The following CASR variants were observed in gnomAD, a reference collection of about 807,000 sequenced individuals.
The protein encoded by CASR is extracellular calcium-sensing receptor.
CASR carries 23 observed loss-of-function variants against 69.1 expected under a neutral mutation model. The observed-to-expected ratio is 0.33, with a 90% confidence interval of 0.24 to 0.47. The LOEUF (loss-of-function observed/expected upper bound fraction) is 0.47. Among genes scored for constraint, CASR ranks in the 20% least tolerant of loss-of-function variants. The probability of loss-of-function intolerance (pLI) is 1.00; values close to 1 mark genes in which losing one functional copy is unlikely to be tolerated. For synonymous variants in CASR, 541 were observed against 544.7 expected (o/e 0.99, Z 0.10); for missense variants, 924 against 1,356.1 (o/e 0.68, Z 5.00).
intron 1 of CASR, among the ~76,000 whole-genome samples, chr3:122,232,730 T>C (rs1466115589): frequency 6.6e-6 from 1 of 152,152 alleles, no homozygotes; most frequent in African/African-American, 2.4e-5. Flanking sequence ...AGTCTTCAAT[T>C]AGATGATCTC....
chr3:122,270,589 AAG>A (rs2074747227), intron 4 of CASR, among the ~76,000 whole-genome samples: 2 of 152,192 alleles, frequency 1.3e-5, no homozygotes, highest in African/African-American at 2.4e-5. Context: ...TTGGAAACTG[AAG>A]TCATTGATTT....
intron 1 of CASR, among the ~76,000 whole-genome samples, chr3:122,241,631 T>C (rs1004917242): frequency 1.3e-5 from 2 of 151,946 alleles, no homozygotes; most frequent in South Asian, 2.1e-4. Context: ...ACTCAAACTA[T>C]TCCAAAAAAC....
intron 1 of CASR, among the ~76,000 whole-genome samples, chr3:122,193,224 T>G (rs2073856018): frequency 1.3e-5 from 2 of 151,880 alleles, no homozygotes; most frequent in African/African-American, 4.8e-5. Context: ...GTTTGTTTGT[T>G]TGTTTGTTTT....
rs936502408 is a variant in CASR, at chr3:122,290,836, G to A, written c.*5645G>A. ...GTTGGTGTGCTGTACCCATTAACTC[G>A]TCATTTACCATTAGGTATATCTCCT... On this transcript the variant is annotated 3_prime_UTR_variant, in exon 7 of 7. Transcript: ENST00000639785. 9 of 150,048 alleles carry A rather than the reference G, an allele frequency of 6.0e-5. No individual in the cohort carries two copies. The highest frequency in any genetic ancestry group is 2.7e-4 in the Admixed American group (4 of 15,038). The allele number at this position is 150,048 out of a possible 1,614,324, so 9.3% of individuals were successfully genotyped here.
intron 1 of CASR, among the ~76,000 whole-genome samples, chr3:122,211,058 C>A (rs1373030347): frequency 7.9e-5 from 12 of 152,144 alleles, no homozygotes; most frequent in Admixed American, 6.5e-4. Context: ...AAACTGGATC[C>A]TTTCCTTACA....
chr3:122,235,651 G>C (rs1343627747), intron 1 of CASR, among the ~76,000 whole-genome samples: 2 of 152,118 alleles, frequency 1.3e-5, no homozygotes, highest in Non-Finnish European at 2.9e-5. Flanking sequence ...TTAAAAAATA[G>C]CCTGGGGTAG....
intron 1 of CASR, among the ~76,000 whole-genome samples, chr3:122,232,330 A>G (rs910668313): frequency 6.6e-6 from 1 of 152,186 alleles, no homozygotes; most frequent in African/African-American, 2.4e-5. Flanking sequence ...ACGCAGATGC[A>G]GAGAGCACGA....
chr3:122,204,140 A>G (rs1189265867), intron 1 of CASR, among the ~76,000 whole-genome samples: 5 of 152,264 alleles, frequency 3.3e-5, no homozygotes, highest in African/African-American at 1.2e-4. Flanking sequence ...GAAATATACA[A>G]TAGATTATTG....
chr3:122,200,316 A>G (rs2073934614), intron 1 of CASR, among the ~76,000 whole-genome samples: 1 of 152,232 alleles, frequency 6.6e-6, no homozygotes, highest in Non-Finnish European at 1.5e-5. Context: ...ATGTATTGAA[A>G]TATCACACAG....
chr3:122,256,960 C>T (rs1300167916), intron 2 of CASR, 121 bp from the exon 3 acceptor site: 3 of 833,344 alleles, frequency 3.6e-6, no homozygotes, highest in Admixed American at 4.0e-5. Flanking sequence ...CTGTACAGAG[C>T]ATGCCATGAA....
chr3:122,256,867 C>T (rs1417043517), intron 2 of CASR, among the ~76,000 whole-genome samples: 4 of 152,208 alleles, frequency 2.6e-5, no homozygotes, highest in African/African-American at 7.2e-5. Flanking sequence ...GTGATCCACC[C>T]GCCTCGGCCT....
chr3:122,272,126 C>CACACAT (rs1367984129), intron 4 of CASR, among the ~76,000 whole-genome samples: 3 of 149,338 alleles, frequency 2.0e-5, no homozygotes, highest in African/African-American at 7.5e-5. Context: ...CACACACACA[C>CACACAT]GAGTAGGATT....
Position 122,284,820 on chromosome 3 carries a change from T to G in CASR, c.2866T>G (p.Ser956Ala), listed in dbSNP as rs1559969778. The change falls in exon 7 of 7, where the codon TCT becomes GCT. Residue 956 changes from serine (S) to alanine (A), a missense_variant. By Grantham distance (99) the Ser-to-Ala change is moderately conservative. Coordinates refer to ENST00000639785, the MANE Select transcript of CASR (RefSeq NM_000388.4). ...CCTGACCCTCCCACAGCAGCAACGA[T>G]CTCAGCAGCAGCCCAGATGCAAGCA... The part of the protein sequence containing the change: ...QPLTLPQQQR[S>A]QQQPRCKQKV... The G allele has an allele frequency of 6.2e-7, 1 of 1,613,986 alleles. No homozygotes were observed. Among genetic ancestry groups the G allele is most frequent in the Middle Eastern group, 1.6e-4 (1 of 6,062 alleles).
At chr3:122,252,406 G>GGAAGGAAAAAGAAA (rs1553765651) in intron 1 of CASR, among the ~76,000 whole-genome samples, 17 of 5,648 alleles carry the variant, frequency 3.0e-3, no homozygotes, top group Non-Finnish European at 7.0e-3. Flanking sequence ...AAGGAAGGAA[G>GGAAGGAAAAAGAAA]GAAAAAGAAA....
At chr3:122,212,000 G>T (rs559332338) in intron 1 of CASR, among the ~76,000 whole-genome samples, 2 of 152,120 alleles carry the variant, frequency 1.3e-5, no homozygotes, top group Non-Finnish European at 2.9e-5. Flanking sequence ...AGACAGTGTG[G>T]CATCCCTCAA....
intron 3 of CASR, among the ~76,000 whole-genome samples, chr3:122,259,860 A>T (rs1051056902): frequency 5.3e-5 from 8 of 152,258 alleles, no homozygotes; most frequent in Non-Finnish European, 7.4e-5. Context: ...GGAAATTTTT[A>T]CTTAAAAATA....
intron 1 of CASR, among the ~76,000 whole-genome samples, chr3:122,252,969 A>G (rs2074514263): frequency 6.6e-6 from 1 of 152,218 alleles, no homozygotes; most frequent in Non-Finnish European, 1.5e-5. Context: ...TGAGAAGAGC[A>G]GAGTTCCTAC....
Position 122,275,853 on chromosome 3 carries a change from G to C in CASR, c.1419G>C (p.Met473Ile). 6.2e-7 allele frequency: 1 copy of C among 1,614,040 alleles called. No homozygotes were observed. Among genetic ancestry groups the C allele is most frequent in the South Asian group, 1.1e-5 (1 of 91,074 alleles). ...GGCATCTAAACTTTACAAACAATATGGGGGAGCAGGTGACCTTTGATGAGT... is the reference window on the plus strand; with the variant it reads ...GGCATCTAAACTTTACAAACAATATCGGGGAGCAGGTGACCTTTGATGAGT... ...HLRHLNFTNN[M>I]GEQVTFDECG... The change falls in exon 5 of 7, where the codon ATG becomes ATC. Residue 473 changes from methionine to isoleucine, a missense_variant. By Grantham distance (10) the Met-to-Ile change is conservative. Around this residue, in one of 8 missense-constraint regions of CASR, gnomAD observed 310 missense variants for 395.7 expected, o/e 0.78. Coordinates refer to ENST00000639785, the MANE Select transcript of CASR (RefSeq NM_000388.4).
At chr3:122,188,112 T>C (rs2073804534) in intron 1 of CASR, among the ~76,000 whole-genome samples, 1 of 152,174 alleles carries the variant, frequency 6.6e-6, no homozygotes, top group African/African-American at 2.4e-5. Flanking sequence ...GAGTGACTCG[T>C]GAGCATTTTT....
Sources: gnomAD v4.1 joint callset for allele counts (sites outside exome capture counted in the v4.1 genomes callset) on GRCh38, gnomAD v4.1.1 for gene constraint, gnomAD v4.1.1 regional missense constraint, MANE v1.5 for transcripts, NCBI Gene and HGNC (gene_info 2026-07-23, HGNC 2026-07-21) for gene names.